HIPK2: variants seen among roughly 807,000 people sequenced by gnomAD.
HIPK2 encodes the protein homeodomain-interacting protein kinase 2.
Under a neutral mutation model 113.7 loss-of-function variants are expected in HIPK2, and 27 were observed. The observed-to-expected ratio is 0.24, with a 90% CI of 0.17 to 0.33. The LOEUF (loss-of-function observed/expected upper bound fraction) is 0.33, where lower values mean the gene tolerates loss of function less well. Among genes scored for constraint, HIPK2 ranks in the 10% least tolerant of loss-of-function variants. HIPK2 has a pLI of 1.00. For missense variants in HIPK2, 1,257 were observed against 1,588.0 expected (o/e 0.79, Z 3.54); for synonymous variants, 631 against 642.2 (o/e 0.98, Z 0.26).
intron 1 of HIPK2, among the ~76,000 whole-genome samples, chr7:139,736,839 A>G (rs1254178271): frequency 6.6e-6 from 1 of 152,188 alleles, no homozygotes; most frequent in African/African-American, 2.4e-5. Context: ...TTTTCCTTCC[A>G]ACGGCTGGAT....
intron 1 of HIPK2, among the ~76,000 whole-genome samples, chr7:139,773,771 C>T (rs1796693236): frequency 6.6e-6 from 1 of 152,214 alleles, no homozygotes; most frequent in South Asian, 2.1e-4. Context: ...GGAGCCTCCC[C>T]TTGGAGGAGG....
chr7:139,776,285 GTC>G (rs1796744130), intron 1 of HIPK2, among the ~76,000 whole-genome samples: 2 of 146,264 alleles, frequency 1.4e-5, no homozygotes, highest in African/African-American at 5.6e-5. Flanking sequence ...TTCTAAGAGA[GTC>G]TGAAAAAAAA....
rs188978897 is a variant in HIPK2, at chr7:139,773,639, A to T, written c.19+3966T>A. ...GAAGGGAGAGAGAGAGAGATGAAGA[A>T]ATATAAAACATAAAATACAAAGAAT... On this transcript the variant is annotated intron_variant, in intron 1 of 14. Coordinates refer to ENST00000406875, the MANE Select transcript of HIPK2 (RefSeq NM_022740.5). Among the ~76,000 whole-genome samples the T allele has an allele frequency of 4.1e-3, 627 of 152,340 alleles. 4 individuals are homozygous for T. Among genetic ancestry groups the T allele is most frequent in the African/African-American group, 0.012 (487 of 41,576 alleles).
intron 13 of HIPK2, among the ~76,000 whole-genome samples, chr7:139,579,636 G>C (rs959497763): frequency 4.0e-5 from 6 of 151,480 alleles, no homozygotes; most frequent in Non-Finnish European, 5.9e-5. Flanking sequence ...TCTCAAGAAG[G>C]TCAAAGGAAA....
At chr7:139,713,498 T>A (rs1368141325) in intron 2 of HIPK2, among the ~76,000 whole-genome samples, 1 of 152,140 alleles carries the variant, frequency 6.6e-6, no homozygotes, top group Non-Finnish European at 1.5e-5. Flanking sequence ...GAAGGCAAGA[T>A]GACAAGGGGG....
chr7:139,651,917 T>C (rs930999487), intron 2 of HIPK2, among the ~76,000 whole-genome samples: 1 of 152,232 alleles, frequency 6.6e-6, no homozygotes, highest in African/African-American at 2.4e-5. Flanking sequence ...ACTGCAATGC[T>C]GGAGTCTCAC....
chr7:139,714,267 G>C lies in HIPK2; in HGVS notation c.1103+1665C>G, dbSNP rs763176271. Among the ~76,000 whole-genome samples the C allele has an allele frequency of 6.6e-6, 1 of 152,242 alleles. No homozygotes were observed. The highest frequency in any genetic ancestry group is 1.5e-5 in the Non-Finnish European group (1 of 68,046). Reference sequence around the variant, plus strand: ...CAGGAAATGCCTCCTAAAGGGAAGAGGGAAGAGACAGAAACAGCATGGGTG... The same window carrying C: ...CAGGAAATGCCTCCTAAAGGGAAGACGGAAGAGACAGAAACAGCATGGGTG... On this transcript the variant is annotated intron_variant, in intron 2 of 14. Coordinates refer to ENST00000406875, the MANE Select transcript of HIPK2 (RefSeq NM_022740.5). This position sits in a 1 kb window ranked among gnomAD's most constrained non-coding sequence, Gnocchi z 4.2.
At chr7:139,722,102 C>T in intron 1 of HIPK2, 1 of 409,530 alleles carries the variant, frequency 2.4e-6, no homozygotes, top group South Asian at 1.9e-5. Context: ...ATTACACAGA[C>T]ACGAGTTCAT....
chr7:139,658,931 C>G (rs143676578), intron 2 of HIPK2, among the ~76,000 whole-genome samples: 259 of 152,302 alleles, frequency 1.7e-3, no homozygotes, highest in African/African-American at 6.1e-3. Context: ...ATATACCACT[C>G]TCAGTGGCCA....
At chr7:139,731,417 A>G (rs1196918035) in intron 1 of HIPK2, among the ~76,000 whole-genome samples, 1 of 152,244 alleles carries the variant, frequency 6.6e-6, no homozygotes, top group African/African-American at 2.4e-5. Flanking sequence ...TAAGGAAGGC[A>G]TCTAAAGTTC....
At chr7:139,697,749 G>A (rs1230239695) in intron 2 of HIPK2, among the ~76,000 whole-genome samples, 1 of 151,704 alleles carries the variant, frequency 6.6e-6, no homozygotes, top group Admixed American at 6.6e-5. Context: ...AAACCATCAC[G>A]TCTATCTAGT....
intron 1 of HIPK2, among the ~76,000 whole-genome samples, chr7:139,753,236 C>G (rs2117116088): frequency 6.6e-6 from 1 of 152,296 alleles, no homozygotes; most frequent in South Asian, 2.1e-4. Flanking sequence ...AGCTGCATTA[C>G]CAGGCATGCC....
chr7:139,628,967 C>T lies in HIPK2; in HGVS notation c.1420G>A (p.Asp474Asn). The change falls in exon 5 of 15, where the codon GAT (aspartate) becomes AAT (asparagine). Residue 474 changes from aspartate to asparagine, a missense_variant. Physicochemically the swap from Asp to Asn is conservative, Grantham distance 23. Around this residue, in one of 5 missense-constraint regions of HIPK2, gnomAD observed 862 missense variants for 1,004.3 expected, o/e 0.86. Transcript: ENST00000406875. ...EARKYIFNCLDDMAQVNMTTD... is the reference protein window; with the variant it reads ...EARKYIFNCLNDMAQVNMTTD... ...ATGAAGCTTACCTGGGCCATATCAT[C>T]TAAACAGTTGAAAATGTACTTTCTT... is the stretch of plus-strand genomic sequence containing the variant. The T allele has an allele frequency of 6.3e-7, 1 of 1,594,530 alleles. No individual in the cohort carries two copies. Among genetic ancestry groups the T allele is most frequent in the Non-Finnish European group, 8.6e-7 (1 of 1,168,786 alleles).
chr7:139,622,709 G>A (rs1442606809), intron 6 of HIPK2, among the ~76,000 whole-genome samples: 1 of 152,146 alleles, frequency 6.6e-6, no homozygotes, highest in Non-Finnish European at 1.5e-5. Flanking sequence ...TCCTTGCCCT[G>A]GAGTTCTTCA....
At chr7:139,654,788 G>T (rs140369004) in intron 2 of HIPK2, among the ~76,000 whole-genome samples, 1 of 152,142 alleles carries the variant, frequency 6.6e-6, no homozygotes, top group Non-Finnish European at 1.5e-5. Flanking sequence ...TGTTCATTAC[G>T]ATATTCCTGG....
At chr7:139,646,388 T>TACTC (rs1464460066) in intron 2 of HIPK2, among the ~76,000 whole-genome samples, 35 of 151,236 alleles carry the variant, frequency 2.3e-4, no homozygotes, top group African/African-American at 8.0e-4. Flanking sequence ...TAGTCCCAGC[T>TACTC]ACTCAGGAGG....
chr7:139,687,968 G>C (rs1794276564), intron 2 of HIPK2, among the ~76,000 whole-genome samples: 1 of 152,216 alleles, frequency 6.6e-6, no homozygotes, highest in Non-Finnish European at 1.5e-5. Flanking sequence ...CCTTAGCCAA[G>C]ATCTGCAAAG....
rs1309609715 is a variant in HIPK2, at chr7:139,596,902, C to G, written c.2532G>C (p.Met844Ile). The G allele has an allele frequency of 6.2e-7, 1 of 1,613,738 alleles. No individual in the cohort carries two copies. The highest frequency in any genetic ancestry group is 8.5e-7 in the Non-Finnish European group (1 of 1,179,750). The change falls in exon 12 of 15, where the codon ATG (methionine) becomes ATC (isoleucine). Residue 844 changes from methionine (M) to isoleucine (I), a missense_variant. By Grantham distance (10) the Met-to-Ile change is conservative. Coordinates refer to ENST00000406875, the MANE Select transcript of HIPK2 (RefSeq NM_022740.5). ...TGCTGCAGGCCGGGCTACTGTGCAC[C>G]ATGGCACAGCGGGGAGGTGTGTTCT... Reference protein sequence around the residue: ...VKENTPPRCAMVHSSPACSTS... With the variant: ...VKENTPPRCAIVHSSPACSTS...
intron 2 of HIPK2, among the ~76,000 whole-genome samples, chr7:139,647,044 C>T (rs938577791): frequency 3.3e-5 from 5 of 152,276 alleles, no homozygotes; most frequent in African/African-American, 1.2e-4. Context: ...GAGGCTCCCT[C>T]CTGTGCTCTA....
Sources: allele counts gnomAD v4.1 joint callset (sites outside exome capture counted in the v4.1 genomes callset), GRCh38; gene constraint gnomAD v4.1.1; regional missense constraint gnomAD v4.1.1; non-coding constraint Gnocchi (gnomAD v3.1); transcripts MANE v1.5; gene names NCBI Gene and HGNC (gene_info 2026-07-23, HGNC 2026-07-21).